PTPRD: variants seen among roughly 807,000 people sequenced by gnomAD.
The protein encoded by PTPRD is receptor-type tyrosine-protein phosphatase delta.
A neutral mutation model predicts 214.5 loss-of-function variants in PTPRD; 34 were observed. The ratio of observed to expected loss-of-function variants is 0.16; its 90% CI spans 0.12 to 0.21. The LOEUF is 0.21. Among genes scored for constraint, PTPRD ranks in the 10% least tolerant of loss-of-function variants. The pLI, the probability that PTPRD is intolerant of heterozygous loss-of-function variation, is 1.00. For missense variants in PTPRD, 2,545 were observed against 2,398.7 expected (o/e 1.06, Z -1.27); for synonymous variants, 1,128 against 845.7 (o/e 1.33, Z -5.79).
At chr9:9,590,514 G>C (rs991465264) in intron 7 of PTPRD, among the ~76,000 whole-genome samples, 3 of 151,874 alleles carry the variant, frequency 2.0e-5, no homozygotes, top group Admixed American at 6.6e-5. Context: ...TATTTCTAAT[G>C]TATTTTATGT....
intron 35 of PTPRD, among the ~76,000 whole-genome samples, chr9:8,433,299 A>G (rs13298387): frequency 6.6e-5 from 10 of 152,252 alleles, no homozygotes; most frequent in African/African-American, 2.4e-4. Flanking sequence ...TCAGGCACAT[A>G]CAATTAGGTA....
chr9:10,067,368 ATGTCATCAGTTTTAAAAC>A (rs1050970810), intron 3 of PTPRD, among the ~76,000 whole-genome samples: 14 of 151,884 alleles, frequency 9.2e-5, no homozygotes, highest in Admixed American at 2.6e-4. Context: ...ATTCTAAGAA[ATGTCATCAGTTTTAAAAC>A]TGTCATCAGT....
chr9:8,370,589 C>T (rs1338701029), intron 39 of PTPRD, among the ~76,000 whole-genome samples: 2 of 152,052 alleles, frequency 1.3e-5, no homozygotes, highest in African/African-American at 2.4e-5. Flanking sequence ...ATGGAAAAGA[C>T]TCACATGCTA....
intron 35 of PTPRD, among the ~76,000 whole-genome samples, chr9:8,413,094 A>T (rs2093652464): frequency 6.6e-6 from 1 of 152,216 alleles, no homozygotes; most frequent in African/African-American, 2.4e-5. Context: ...AAGTGATAAC[A>T]GTAATTCTTT....
At chr9:8,437,133 A>G (rs963390999) in intron 34 of PTPRD, 2 of 1,179,714 alleles carry the variant, frequency 1.7e-6, no homozygotes, top group Non-Finnish European at 2.4e-6. Flanking sequence ...AAAGGCCTAA[A>G]AGGGAAAGAG....
chr9:8,921,884 T>C (rs2098830415), intron 11 of PTPRD, among the ~76,000 whole-genome samples: 2 of 151,830 alleles, frequency 1.3e-5, no homozygotes, highest in Non-Finnish European at 2.9e-5. Context: ...AAATAAACAG[T>C]CCAAAGTGCA....
chr9:10,456,514 A>AT (rs1458193874), intron 2 of PTPRD, among the ~76,000 whole-genome samples: 2 of 151,880 alleles, frequency 1.3e-5, no homozygotes, highest in Non-Finnish European at 2.9e-5. Context: ...AAGAAAATCA[A>AT]TTTTTTTCTT....
chr9:8,515,427 T>C lies in PTPRD; in HGVS notation c.1543+2421A>G, dbSNP rs576632667. On this transcript the variant is annotated intron_variant, in intron 21 of 45. Coordinates refer to ENST00000381196, the MANE Select transcript of PTPRD (RefSeq NM_002839.4). ...CCATTATCTAATCTATACCCTGTTATGAATTTTATTGCATCCCACAAAAAT... is the reference window on the plus strand; with the variant it reads ...CCATTATCTAATCTATACCCTGTTACGAATTTTATTGCATCCCACAAAAAT... Among the ~76,000 whole-genome samples the C allele has an allele frequency of 2.6e-5, 4 of 152,330 alleles. No homozygotes were observed. The East Asian group carries it at 7.7e-4, about 29-fold the overall frequency.
At chr9:8,513,088 G>C (rs1197829492) in intron 21 of PTPRD, among the ~76,000 whole-genome samples, 2 of 151,786 alleles carry the variant, frequency 1.3e-5, no homozygotes, top group Non-Finnish European at 2.9e-5. Flanking sequence ...TATTTTCAAG[G>C]TAAACTAGTT....
At chr9:8,777,029 G>A (rs993399436) in intron 11 of PTPRD, among the ~76,000 whole-genome samples, 3 of 115,914 alleles carry the variant, frequency 2.6e-5, no homozygotes, top group African/African-American at 9.2e-5. Flanking sequence ...CACCCAGGCA[G>A]GAGTGCAGTG....
At chr9:10,344,725 T>C (rs2097032101) in intron 2 of PTPRD, among the ~76,000 whole-genome samples, 1 of 152,140 alleles carries the variant, frequency 6.6e-6, no homozygotes, top group South Asian at 2.1e-4. Flanking sequence ...GGTTTGTAGT[T>C]CTCATTGGTC....
chr9:9,905,225 G>C (rs1159954024), intron 5 of PTPRD, among the ~76,000 whole-genome samples: 1 of 151,720 alleles, frequency 6.6e-6, no homozygotes, highest in Non-Finnish European at 1.5e-5. Context: ...ATCTTCTGTA[G>C]CTCCTCATTT....
chr9:8,723,937 C>T (rs911777555), intron 12 of PTPRD, among the ~76,000 whole-genome samples: 4 of 152,182 alleles, frequency 2.6e-5, no homozygotes, highest in African/African-American at 9.7e-5. Context: ...ACTGTAGTTA[C>T]TGTAAATAAC....
At chr9:9,399,298 A>G (rs2069202580) in intron 8 of PTPRD, among the ~76,000 whole-genome samples, 1 of 152,032 alleles carries the variant, frequency 6.6e-6, no homozygotes. Context: ...TTTGTACCTA[A>G]GCATAGAATG....
chr9:9,849,814 T>A (rs1053478850), intron 5 of PTPRD, among the ~76,000 whole-genome samples: 1 of 152,124 alleles, frequency 6.6e-6, no homozygotes, highest in African/African-American at 2.4e-5. Flanking sequence ...ATCAAAATCT[T>A]CAAATGCTTT....
At chr9:8,658,671 G>GAA (rs35547116) in intron 12 of PTPRD, among the ~76,000 whole-genome samples, 17 of 122,164 alleles carry the variant, frequency 1.4e-4, no homozygotes, top group East Asian at 2.4e-4. Context: ...AGCACATTTG[G>GAA]AAAAAAAAAA....
intron 3 of PTPRD, among the ~76,000 whole-genome samples, chr9:10,086,299 C>T (rs372331749): frequency 8.6e-5 from 13 of 151,762 alleles, no homozygotes; most frequent in African/African-American, 3.1e-4. Context: ...CAGTACTATG[C>T]TGTCTGGGAG....
intron 8 of PTPRD, among the ~76,000 whole-genome samples, chr9:9,431,675 CT>C (rs1349833893): frequency 6.6e-6 from 1 of 151,996 alleles, no homozygotes; most frequent in African/African-American, 2.4e-5. Context: ...CAATGATAGA[CT>C]GGTTTAAGAA....
At chr9:8,410,618 T>A (rs2093434100) in intron 35 of PTPRD, among the ~76,000 whole-genome samples, 1 of 152,176 alleles carries the variant, frequency 6.6e-6, no homozygotes, top group South Asian at 2.1e-4. Flanking sequence ...GCCCCACCTT[T>A]AGTAGTAGAA....
Sources: allele counts gnomAD v4.1 joint callset (sites outside exome capture counted in the v4.1 genomes callset), GRCh38; gene constraint gnomAD v4.1.1; transcripts MANE v1.5; gene names NCBI Gene and HGNC (gene_info 2026-07-23, HGNC 2026-07-21).